BNC2: variants seen among roughly 807,000 people sequenced by gnomAD.
BNC2 encodes basonuclin zinc finger protein 2, also known as zinc finger protein basonuclin-2.
In BNC2, 20 loss-of-function variants were observed where a neutral mutation model predicts 76.3. The observed-to-expected ratio is 0.26, with a 90% CI of 0.18 to 0.38. BNC2 has a LOEUF of 0.38. Ranked by LOEUF, BNC2 falls within the 10% of genes least tolerant of loss-of-function variation. The pLI, the probability that BNC2 is intolerant of heterozygous loss-of-function variation, is 1.00. For missense variants in BNC2, 1,382 were observed against 1,399.8 expected, an observed-to-expected ratio of 0.99 and a Z score of 0.20; for synonymous variants, 582 against 514.8, an observed-to-expected ratio of 1.13 and a Z score of -1.77.
At chr9:16,554,820 T>C (rs1818773383) in intron 4 of BNC2, among the ~76,000 whole-genome samples, 2 of 152,170 alleles carry the variant, frequency 1.3e-5, no homozygotes, top group Non-Finnish European at 1.5e-5. Flanking sequence ...CAGACTTCTA[T>C]GACAACAGCA....
chr9:16,699,319 T>C (rs376965073), intron 3 of BNC2: 7 of 404,924 alleles, frequency 1.7e-5, no homozygotes, highest in Non-Finnish European at 2.9e-5. Flanking sequence ...TTGATGGAAA[T>C]GTATTAATTC....
chr9:16,693,938 C>T (rs1823258733), intron 3 of BNC2, among the ~76,000 whole-genome samples: 1 of 152,206 alleles, frequency 6.6e-6, no homozygotes, highest in African/African-American at 2.4e-5. Flanking sequence ...TTGCTCCACT[C>T]AGCTTCTCTA....
rs71327860 is a variant in BNC2, at chr9:16,793,648, C to CTT, written c.4-55165_4-55164dup. ...CCAAAGGGGTACTTGCCTTCCACAT[C>CTT]TTTTTTTTTTTTTTTTTTTTTTTTT... On this transcript the variant is annotated intron_variant, in intron 1 of 6. Transcript: ENST00000380672. Among the ~76,000 whole-genome samples the CTT allele has an allele frequency of 4.9e-3, 271 of 55,776 alleles. 11 individuals carry two copies. The highest frequency in any genetic ancestry group is 6.8e-3 in the African/African-American group (124 of 18,140). 36.6% of individuals were successfully genotyped at this position (55,776 alleles called of 152,430 possible). A position where few individuals can be genotyped will look rare whatever the true frequency, so the allele number is the denominator to read the frequency against.
At chr9:16,475,603 CAAATT>C (rs762572636) in intron 5 of BNC2, among the ~76,000 whole-genome samples, 1 of 152,236 alleles carries the variant, frequency 6.6e-6, no homozygotes, top group African/African-American at 2.4e-5. Flanking sequence ...CTCTACTTCT[CAAATT>C]AAAAACATAG....
intron 1 of BNC2, among the ~76,000 whole-genome samples, chr9:16,814,688 C>A (rs1463558359): frequency 6.6e-6 from 1 of 151,984 alleles, no homozygotes; most frequent in African/African-American, 2.4e-5. Flanking sequence ...GTTCAAACAA[C>A]AAAAAATGGC....
intron 4 of BNC2, among the ~76,000 whole-genome samples, chr9:16,582,531 A>C (rs1819653826): frequency 6.6e-6 from 1 of 152,164 alleles, no homozygotes; most frequent in Non-Finnish European, 1.5e-5. Flanking sequence ...CTGAGACCAT[A>C]CAACATTTAA....
At chr9:16,437,728 G>C (rs1442391355) in intron 5 of BNC2, among the ~76,000 whole-genome samples, 1 of 152,202 alleles carries the variant, frequency 6.6e-6, no homozygotes, top group African/African-American at 2.4e-5. Flanking sequence ...GTCACAGTTA[G>C]AGAAACAGAT....
At chr9:16,425,685 A>C (rs1820791054) in intron 6 of BNC2, among the ~76,000 whole-genome samples, 1 of 152,234 alleles carries the variant, frequency 6.6e-6, no homozygotes, top group African/African-American at 2.4e-5. Flanking sequence ...TCCACTTTGC[A>C]ACTTTATAAA....
intron 1 of BNC2, among the ~76,000 whole-genome samples, chr9:16,813,415 G>A (rs1257875225): frequency 2.6e-5 from 4 of 151,746 alleles, no homozygotes; most frequent in East Asian, 4.0e-4. Context: ...ACAGGCGCCC[G>A]CCACTACGCC....
intron 4 of BNC2, among the ~76,000 whole-genome samples, chr9:16,573,975 C>G (rs1320584589): frequency 6.6e-6 from 1 of 152,100 alleles, no homozygotes; most frequent in African/African-American, 2.4e-5. Context: ...TTTCACACTT[C>G]AGTAAAGAGG....
chr9:16,497,554 C>T (rs968494767), intron 5 of BNC2, among the ~76,000 whole-genome samples: 1 of 152,076 alleles, frequency 6.6e-6, no homozygotes, highest in South Asian at 2.1e-4. Context: ...ATGATCTCTG[C>T]TCTCATGGAC....
intron 5 of BNC2, among the ~76,000 whole-genome samples, chr9:16,449,682 G>A (rs868729140): frequency 6.6e-6 from 1 of 152,144 alleles, no homozygotes; most frequent in African/African-American, 2.4e-5. Flanking sequence ...CTTTGGCACA[G>A]AGCTTAAATT....
chr9:16,797,566 A>G (rs1427446700), intron 1 of BNC2, among the ~76,000 whole-genome samples: 1 of 152,178 alleles, frequency 6.6e-6, no homozygotes, highest in African/African-American at 2.4e-5. Context: ...GGATGACACA[A>G]TATCACCTAG....
At chr9:16,696,447 C>T (rs1823340134) in intron 3 of BNC2, among the ~76,000 whole-genome samples, 1 of 152,066 alleles carries the variant, frequency 6.6e-6, no homozygotes, top group Non-Finnish European at 1.5e-5. Flanking sequence ...TGAAAATGTC[C>T]CTATTTCCTG....
chr9:16,448,374 A>G (rs983403952), intron 5 of BNC2, among the ~76,000 whole-genome samples: 1 of 152,176 alleles, frequency 6.6e-6, no homozygotes, highest in Admixed American at 6.6e-5. Flanking sequence ...TTACACATCA[A>G]GTAAGGGCCA....
rs1318740329 is a variant in BNC2 at position 16,413,179 on chromosome 9, T to A, written c.*5810A>T. 1 of 135,354 alleles carries A rather than the reference T, an allele frequency of 7.4e-6. No individual in the cohort carries two copies. The highest frequency in any genetic ancestry group is 7.7e-5 in the Admixed American group (1 of 12,948). The allele number at this position is 135,354 out of a possible 1,614,324, so 8.4% of individuals were successfully genotyped here. A position where few individuals can be genotyped will look rare whatever the true frequency, so the allele number is the denominator to read the frequency against. ...ACTGAGCCTTGGTCTTCATATCCTA[T>A]ATAAAAAAGATTTTTTTTTTTCCTG... On this transcript the variant is annotated 3_prime_UTR_variant, in exon 7 of 7. Transcript: ENST00000380672.
chr9:16,417,821 T>G lies in BNC2; in HGVS notation c.*1168A>C, dbSNP rs974601743. The stretch of plus-strand genomic sequence containing the variant: ...CACACCACATAATTTTGTTTTCCTT[T>G]TATGTAACTTAACGTATAAGCAAGA... On this transcript the variant is annotated 3_prime_UTR_variant, in exon 7 of 7. Transcript: ENST00000380672. The G allele has an allele frequency of 2.6e-5, 4 of 152,668 alleles. No homozygotes were observed. Among genetic ancestry groups the G allele is most frequent in the African/African-American group, 9.6e-5 (4 of 41,456 alleles). The allele number at this position is 152,668 out of a possible 1,614,324, so 9.5% of individuals were successfully genotyped here.
intron 3 of BNC2, among the ~76,000 whole-genome samples, chr9:16,689,963 T>A (rs1823105488): frequency 6.6e-6 from 1 of 152,190 alleles, no homozygotes; most frequent in African/African-American, 2.4e-5. Flanking sequence ...CTAAACACAC[T>A]GCTGCAAAAT....
intron 5 of BNC2, among the ~76,000 whole-genome samples, chr9:16,441,639 G>C (rs1821130434): frequency 6.6e-6 from 1 of 152,170 alleles, no homozygotes; most frequent in Admixed American, 6.5e-5. Flanking sequence ...TTCAAAAATG[G>C]ACCAATGTCA....
Sources: gnomAD v4.1 joint callset for allele counts (sites outside exome capture counted in the v4.1 genomes callset) on GRCh38, gnomAD v4.1.1 for gene constraint, MANE v1.5 for transcripts, NCBI Gene and HGNC (gene_info 2026-07-23, HGNC 2026-07-21) for gene names.